ZMYND11: variants seen among roughly 807,000 people sequenced by gnomAD.
ZMYND11 encodes zinc finger MYND domain-containing protein 11.
ZMYND11 carries 9 observed loss-of-function variants against 84.9 expected under a neutral mutation model. That is an observed-to-expected ratio of 0.11 (90% CI 0.06 to 0.18). ZMYND11 has a LOEUF of 0.18. ZMYND11 is among the 10% of genes least tolerant of loss of function. ZMYND11 has a pLI of 1.00. For missense variants in ZMYND11, 409 were observed against 761.0 expected, an observed-to-expected ratio of 0.54 and a Z score of 5.44; for synonymous variants, 250 against 244.1, an observed-to-expected ratio of 1.02 and a Z score of -0.23.
rs548372248 is a variant in ZMYND11, at chr10:238,442, T to C, written c.609+765T>C. ...TGTGATCTTGGCTCACTGCAAGCTC[T>C]GCCTCCCGGGTTCACGCCATTCTCC... On this transcript the variant is annotated intron_variant, in intron 6 of 14. Transcript: ENST00000381604. Among the ~76,000 whole-genome samples, 266 of 152,174 alleles carry C rather than the reference T, an allele frequency of 1.7e-3. 2 individuals carry two copies. The highest frequency in any genetic ancestry group is 5.8e-3 in the African/African-American group (239 of 41,538).
chr10:130,395 C>T (rs9419421), upstream of ZMYND11, among the ~76,000 whole-genome samples: 1,661 of 152,206 alleles, frequency 0.011, 36 homozygotes, highest in African/African-American at 0.036. Flanking sequence ...GACTACGGGA[C>T]GTGGTAGAAG....
At chr10:172,777 A>C (rs906751881) in intron 1 of ZMYND11, among the ~76,000 whole-genome samples, 67 of 152,332 alleles carry the variant, frequency 4.4e-4, no homozygotes, top group South Asian at 2.1e-4. Context: ...CAAAATACCC[A>C]AAATAGTCAT....
intron 1 of ZMYND11, among the ~76,000 whole-genome samples, chr10:159,131 T>C (rs9329280): frequency 0.9 from 126,256 of 139,646 alleles, 57,220 homozygotes; most frequent in South Asian, 0.97. Flanking sequence ...TTTTTTTTTC[T>C]TAATAGCTGA....
intron 2 of ZMYND11, among the ~76,000 whole-genome samples, chr10:208,989 A>G (rs1192069854): frequency 6.6e-6 from 1 of 152,038 alleles, no homozygotes; most frequent in Non-Finnish European, 1.5e-5. Context: ...ATACAGGTAG[A>G]TACATTGACA....
At chr10:163,201 A>G (rs543065058) in intron 1 of ZMYND11, among the ~76,000 whole-genome samples, 1 of 152,136 alleles carries the variant, frequency 6.6e-6, no homozygotes, top group Admixed American at 6.5e-5. Context: ...TCTAGCTTCC[A>G]TTTTGTTTTA....
intron 5 of ZMYND11, 112 bp downstream of exon 5, chr10:237,027 A>C (rs917181182): frequency 5.2e-6 from 5 of 958,040 alleles, no homozygotes; most frequent in Non-Finnish European, 7.8e-6. Context: ...AGCAATATGA[A>C]GTGTGGAGAG....
rs145686950 is a variant in ZMYND11 at position 140,100 on chromosome 10, G to GACAC, written c.-20+4555_-20+4558dup. 5.2e-3 allele frequency among the ~76,000 whole-genome samples: 790 copies of GACAC among 150,908 alleles called. 3 individuals carry two copies. Among genetic ancestry groups the GACAC allele is most frequent in the Admixed American group, 8.9e-3 (135 of 15,112 alleles). On this transcript the variant is annotated intron_variant, in intron 1 of 14. Coordinates refer to ENST00000381604, the MANE Select transcript of ZMYND11 (RefSeq NM_001370100.5). ...ACTCTTATAATTGCATCCTATCCCAGACACACACACACACACATACACACG... is the reference window on the plus strand; with the variant it reads ...ACTCTTATAATTGCATCCTATCCCAGACACACACACACACACACACATACACACG...
At chr10:247,085 TTACATTTG>T (rs1952308671) in intron 11 of ZMYND11, 112 bp downstream of exon 11, 1 of 1,173,628 alleles carries the variant, frequency 8.5e-7, no homozygotes, top group Non-Finnish European at 1.2e-6. Context: ...CTTCCCTTTT[TTACATTTG>T]TAAAGTGCTC....
At chr10:152,739 C>G (rs1471107241) in intron 1 of ZMYND11, among the ~76,000 whole-genome samples, 1 of 152,298 alleles carries the variant, frequency 6.6e-6, no homozygotes, top group East Asian at 1.9e-4. Flanking sequence ...AACTCTCCAC[C>G]CCAAATCAAC....
chr10:222,776 A>G (rs1947351631), intron 4 of ZMYND11, among the ~76,000 whole-genome samples: 1 of 151,934 alleles, frequency 6.6e-6, no homozygotes, highest in East Asian at 1.9e-4. Flanking sequence ...TAGGAAATAC[A>G]GCTCTGGGTA....
chr10:200,205 G>GGTGTGTGTGTGTGTGTGT (rs71374347), intron 2 of ZMYND11, among the ~76,000 whole-genome samples: 32,978 of 132,208 alleles, frequency 0.25, 5,132 homozygotes, highest in East Asian at 0.39. Context: ...GCCTGGCTAG[G>GGTGTGTGTGTGTGTGTGT]GTGTGTGTGT....
chr10:251,987 G>A (rs1165893898), intron 14 of ZMYND11, among the ~76,000 whole-genome samples: 1 of 152,202 alleles, frequency 6.6e-6, no homozygotes, highest in Admixed American at 6.5e-5. Context: ...GAAATAGGGA[G>A]TTTAGGCAAG....
intron 1 of ZMYND11, chr10:154,702 A>G (rs1474795520): frequency 1.3e-5 from 2 of 152,254 alleles, no homozygotes; most frequent in African/African-American, 2.4e-5. Flanking sequence ...GCTTTTCTAT[A>G]TCAGGATTTT....
At chr10:184,455 ATTATCT>A (rs1169963268) in intron 2 of ZMYND11, among the ~76,000 whole-genome samples, 1 of 151,898 alleles carries the variant, frequency 6.6e-6, no homozygotes, top group African/African-American at 2.4e-5. Context: ...TTTATGTAAC[ATTATCT>A]GGTGTATATT....
At chr10:208,791 G>A (rs1450891376) in intron 2 of ZMYND11, among the ~76,000 whole-genome samples, 2 of 152,126 alleles carry the variant, frequency 1.3e-5, no homozygotes, top group Non-Finnish European at 1.5e-5. Context: ...AAGGAAGAAG[G>A]TGGGAGCTAG....
chr10:192,933 A>G (rs1940822207), intron 2 of ZMYND11, among the ~76,000 whole-genome samples: 1 of 152,098 alleles, frequency 6.6e-6, no homozygotes, highest in Admixed American at 6.6e-5. Flanking sequence ...TCTAAACATT[A>G]ATTCCCTTAT....
intron 1 of ZMYND11, among the ~76,000 whole-genome samples, chr10:165,208 C>G (rs1843714192): frequency 6.6e-6 from 1 of 152,096 alleles, no homozygotes; most frequent in Non-Finnish European, 1.5e-5. Flanking sequence ...CAACATATTG[C>G]TAAATCTAGT....
intron 4 of ZMYND11, among the ~76,000 whole-genome samples, chr10:224,442 T>C (rs1448133517): frequency 6.6e-6 from 1 of 152,242 alleles, no homozygotes; most frequent in Admixed American, 6.5e-5. Flanking sequence ...AGCTTATTAA[T>C]ATCAGATTAG....
At chr10:240,998 T>A in intron 9 of ZMYND11, 28 bp downstream of exon 9, 1 of 1,543,666 alleles carries the variant, frequency 6.5e-7, no homozygotes, top group African/African-American at 1.4e-5. Context: ...CTCAAGTGTG[T>A]AACATACAGC....
Sources: allele counts gnomAD v4.1 joint callset (sites outside exome capture counted in the v4.1 genomes callset), GRCh38; gene constraint gnomAD v4.1.1; transcripts MANE v1.5; gene names NCBI Gene and HGNC (gene_info 2026-07-23, HGNC 2026-07-21).